The following ALG6 variants were observed in gnomAD, a reference collection of about 807,000 sequenced individuals.
ALG6 encodes dolichyl pyrophosphate Man9GlcNAc2 alpha-1,3-glucosyltransferase.
In ALG6, 46 loss-of-function variants were observed where a neutral mutation model predicts 66.6. The ratio of observed to expected loss-of-function variants is 0.69; its 90% confidence interval spans 0.55 to 0.88. The LOEUF is 0.88. Among genes scored for constraint, ALG6 ranks in the 40% least tolerant of loss-of-function variants. ALG6 has a pLI of 0.00. For synonymous variants in ALG6, 185 were observed against 203.7 expected, an observed-to-expected ratio of 0.91 and a Z score of 0.78; for missense variants, 505 against 586.8, an observed-to-expected ratio of 0.86 and a Z score of 1.44.
intron 2 of ALG6, among the ~76,000 whole-genome samples, chr1:63,386,503 T>C (rs1475574639): frequency 6.6e-6 from 1 of 152,184 alleles, no homozygotes; most frequent in Non-Finnish European, 1.5e-5. Flanking sequence ...TTGTTATTGA[T>C]CTGTTCAGGT....
intron 12 of ALG6, among the ~76,000 whole-genome samples, chr1:63,422,601 G>T (rs1644593636): frequency 6.6e-6 from 1 of 151,048 alleles, no homozygotes; most frequent in South Asian, 2.1e-4. Context: ...GAAGTCACTG[G>T]TGACTTTGGT....
At chr1:63,423,852 C>T (rs549643994) in intron 12 of ALG6, among the ~76,000 whole-genome samples, 183 of 152,308 alleles carry the variant, frequency 1.2e-3, no homozygotes, top group South Asian at 4.6e-3. Context: ...ATTGCTGAGT[C>T]ACATGGCAAT....
intron 2 of ALG6, among the ~76,000 whole-genome samples, chr1:63,385,291 C>G (rs1015372212): frequency 6.9e-6 from 1 of 144,164 alleles, no homozygotes; most frequent in African/African-American, 2.6e-5. Flanking sequence ...CCTCTACCTC[C>G]CAGGTTAAAG....
intron 4 of ALG6, among the ~76,000 whole-genome samples, chr1:63,403,352 A>G (rs975946394): frequency 1.3e-5 from 2 of 152,168 alleles, no homozygotes; most frequent in African/African-American, 2.4e-5. Flanking sequence ...AGAAACTAGA[A>G]TAATTGTAGT....
At chr1:63,370,107 C>T (rs1017251956) in intron 1 of ALG6, among the ~76,000 whole-genome samples, 4 of 151,514 alleles carry the variant, frequency 2.6e-5, no homozygotes, top group South Asian at 2.1e-4. Context: ...CGTGAGCCAC[C>T]GCAACCGGCA....
intron 2 of ALG6, among the ~76,000 whole-genome samples, chr1:63,371,724 C>T (rs966503047): frequency 6.6e-6 from 1 of 152,160 alleles, no homozygotes; most frequent in Non-Finnish European, 1.5e-5. Context: ...TCTACCTCAA[C>T]CTTCCGAGTA....
At chr1:63,376,333 A>T (rs1648126982) in intron 2 of ALG6, among the ~76,000 whole-genome samples, 1 of 152,200 alleles carries the variant, frequency 6.6e-6, no homozygotes, top group South Asian at 2.1e-4. Flanking sequence ...CATTGTTTAT[A>T]CAGTTCGTTG....
chr1:63,369,549 A>G (rs75648202), intron 1 of ALG6, among the ~76,000 whole-genome samples: 2 of 151,600 alleles, frequency 1.3e-5, no homozygotes, highest in Non-Finnish European at 2.9e-5. Flanking sequence ...CAATCGCTTG[A>G]ACCCAGGAGG....
In ALG6 at chr1:63,429,018, A is replaced by G. The variant is rs755564888; in HGVS notation, c.1218A>G (p.Ser406=). ...TTATAGCTTGTGTAACTTCCTTTTC[A>G]ATATTTGAAAAGACTTCTGAAGAAG... The part of the protein sequence containing the change: ...AFFIACVTSF[S]IFEKTSEEEL... The change falls in exon 14 of 15, where the codon TCA becomes TCG. Residue 406 remains serine, a synonymous_variant. Transcript: ENST00000263440. 6.2e-7 allele frequency: 1 copy of G among 1,610,586 alleles called. No homozygotes were observed. The highest frequency in any genetic ancestry group is 8.5e-7 in the Non-Finnish European group (1 of 1,178,850).
chr1:63,376,876 T>C (rs1648150379), intron 2 of ALG6, among the ~76,000 whole-genome samples: 2 of 152,240 alleles, frequency 1.3e-5, no homozygotes, highest in African/African-American at 4.8e-5. Flanking sequence ...CCAATTGATC[T>C]ACCAGTTATT....
rs144866916 is a variant in ALG6, at chr1:63,437,195, G to T, written c.*175G>T. ...TCTACACAAAATAAATGTATATGGAGACCAAAGACCAATGGAGGCTTGTCT... is the reference window on the plus strand; with the variant it reads ...TCTACACAAAATAAATGTATATGGATACCAAAGACCAATGGAGGCTTGTCT... On this transcript the variant is annotated 3_prime_UTR_variant, in exon 15 of 15. Coordinates refer to ENST00000263440, the MANE Select transcript of ALG6 (RefSeq NM_013339.4). 1.7e-6 allele frequency: 1 copy of T among 595,822 alleles called. No individual in the cohort carries two copies. The highest frequency in any genetic ancestry group is 3.1e-5 in the East Asian group (1 of 32,256). 36.9% of individuals were successfully genotyped at this position (595,822 alleles called of 1,614,324 possible). A position where few individuals can be genotyped will look rare whatever the true frequency, so the allele number is the denominator to read the frequency against.
Position 63,379,722 on chromosome 1 carries a change from C to T in ALG6, c.82+8663C>T, listed in dbSNP as rs144459036. On this transcript the variant is annotated intron_variant, in intron 2 of 14. Transcript: ENST00000263440. ...ATTATATATTTATAAAAGTAGGATACGTAATACTATATTATTAATTATATA... is the reference window on the plus strand; with the variant it reads ...ATTATATATTTATAAAAGTAGGATATGTAATACTATATTATTAATTATATA... Among the ~76,000 whole-genome samples the T allele has an allele frequency of 3.5e-3, 528 of 149,812 alleles. 2 individuals carry two copies. The highest frequency in any genetic ancestry group is 0.011 in the African/African-American group (464 of 41,074).
intron 2 of ALG6, 33 bp from the exon 3 acceptor site, chr1:63,396,480 T>G: frequency 6.5e-7 from 1 of 1,548,646 alleles, no homozygotes; most frequent in Non-Finnish European, 8.9e-7. Context: ...CTAAAGTACA[T>G]TGTTGTTTTG....
Position 63,428,936 on chromosome 1 carries a change from C to T in ALG6, c.1136C>T (p.Pro379Leu). ...FLLVSTFSML[P>L]LLLKDELLMP... ...AAAATTTTCCTTTACAGTATGCTAC[C>T]TCTTCTATTGAAGGATGAACTCCTA... The change falls in exon 14 of 15, where the codon CCT becomes CTT. Residue 379 changes from proline to leucine, a missense_variant. Transcript: ENST00000263440. The T allele has an allele frequency of 1.2e-6, 2 of 1,613,100 alleles. No homozygotes were observed. The highest frequency in any genetic ancestry group is 2.2e-5 in the South Asian group (2 of 90,942).
At chr1:63,380,270 G>C (rs2090425135) in intron 2 of ALG6, among the ~76,000 whole-genome samples, 1 of 152,126 alleles carries the variant, frequency 6.6e-6, no homozygotes, top group African/African-American at 2.4e-5. Context: ...TGAACCTCCT[G>C]GTTGCCAGAC....
chr1:63,437,763 T>C lies in ALG6; in HGVS notation c.*743T>C, dbSNP rs920713395. On this transcript the variant is annotated 3_prime_UTR_variant, in exon 15 of 15. Transcript: ENST00000263440. ...TGAGTGAAGTCTTCTAAATTACACA[T>C]AATCACTGGTTCTAAACTTCCAGAA... 1 of 151,954 alleles carries C rather than the reference T, an allele frequency of 6.6e-6. No homozygotes were observed. The allele number at this position is 151,954 out of a possible 1,614,324, so 9.4% of individuals were successfully genotyped here. A position where few individuals can be genotyped will look rare whatever the true frequency, so the allele number is the denominator to read the frequency against.
intron 14 of ALG6, among the ~76,000 whole-genome samples, chr1:63,434,339 A>T (rs1206995599): frequency 6.6e-6 from 1 of 152,216 alleles, no homozygotes; most frequent in Non-Finnish European, 1.5e-5. Context: ...TGGCATACAT[A>T]ACTGAATGGG....
At chr1:63,383,296 TG>T (rs1648392485) in intron 2 of ALG6, among the ~76,000 whole-genome samples, 1 of 152,008 alleles carries the variant, frequency 6.6e-6, no homozygotes, top group South Asian at 2.1e-4. Flanking sequence ...TAATTTTTTT[TG>T]TATTTTTAGT....
chr1:63,398,200 G>A (rs952009873), intron 3 of ALG6, among the ~76,000 whole-genome samples: 1 of 152,162 alleles, frequency 6.6e-6, no homozygotes, highest in African/African-American at 2.4e-5. Context: ...TCTATTGATA[G>A]GTTGCCTGTT....
Sources: gnomAD v4.1 joint callset for allele counts (sites outside exome capture counted in the v4.1 genomes callset) on GRCh38, gnomAD v4.1.1 for gene constraint, MANE v1.5 for transcripts, NCBI Gene and HGNC (gene_info 2026-07-23, HGNC 2026-07-21) for gene names.